The following SUCLG2 variants were observed in gnomAD, a reference collection of about 807,000 sequenced individuals.
SUCLG2 encodes succinate-CoA ligase GDP-forming subunit beta.
SUCLG2 carries 42 observed loss-of-function variants against 47.9 expected under a neutral mutation model. The ratio of observed to expected loss-of-function variants is 0.88; its 90% confidence interval spans 0.69 to 1.14. SUCLG2 has a LOEUF of 1.14. SUCLG2 is among the 50% of genes most tolerant of loss of function. The pLI, the probability that SUCLG2 is intolerant of heterozygous loss-of-function variation, is 0.00. For missense variants in SUCLG2, 571 were observed against 525.9 expected, an observed-to-expected ratio of 1.09 and a Z score of -0.84; for synonymous variants, 195 against 197.3, an observed-to-expected ratio of 0.99 and a Z score of 0.10.
intron 9 of SUCLG2, among the ~76,000 whole-genome samples, chr3:67,414,347 C>T (rs1163345566): frequency 2.0e-5 from 3 of 152,200 alleles, no homozygotes; most frequent in Admixed American, 6.5e-5. Flanking sequence ...TTCCAAATGA[C>T]TGTTTTTATA....
chr3:67,556,147 G>A (rs1392158584), intron 2 of SUCLG2, among the ~76,000 whole-genome samples: 1 of 152,188 alleles, frequency 6.6e-6, no homozygotes, highest in Non-Finnish European at 1.5e-5. Context: ...ATGTTCCAGA[G>A]TAGAAGAGAT....
At chr3:67,540,572 A>G (rs745835598) in intron 2 of SUCLG2, among the ~76,000 whole-genome samples, 1 of 152,166 alleles carries the variant, frequency 6.6e-6, no homozygotes, top group Non-Finnish European at 1.5e-5. Context: ...TCAAACTCCC[A>G]TCTCCCTGGG....
chr3:67,640,505 G>C (rs758289516), intron 1 of SUCLG2, among the ~76,000 whole-genome samples: 2 of 152,046 alleles, frequency 1.3e-5, no homozygotes, highest in Non-Finnish European at 2.9e-5. Context: ...AATCCACTAC[G>C]ATTCTTCCTA....
chr3:67,590,321 C>T (rs1174228325), intron 2 of SUCLG2, among the ~76,000 whole-genome samples: 2 of 152,194 alleles, frequency 1.3e-5, no homozygotes, highest in African/African-American at 4.8e-5. Flanking sequence ...TCCAAGGCAA[C>T]TGTGGCTTTT....
At chr3:67,602,485 G>C (rs2107299899) in intron 2 of SUCLG2, among the ~76,000 whole-genome samples, 1 of 152,146 alleles carries the variant, frequency 6.6e-6, no homozygotes, top group East Asian at 1.9e-4. Context: ...AAGACACTTA[G>C]GGAAAAGATA....
intron 10 of SUCLG2, among the ~76,000 whole-genome samples, chr3:67,380,491 G>A (rs1327889403): frequency 6.6e-6 from 1 of 152,124 alleles, no homozygotes; most frequent in Non-Finnish European, 1.5e-5. Context: ...ATCCACAAAA[G>A]TGAATTTTAA....
At chr3:67,393,854 C>A (rs905080391) in intron 10 of SUCLG2, among the ~76,000 whole-genome samples, 1 of 152,082 alleles carries the variant, frequency 6.6e-6, no homozygotes, top group Non-Finnish European at 1.5e-5. Context: ...CAGCAGCATT[C>A]GCGGTTCATG....
At chr3:67,638,754 A>C (rs1461379992) in intron 1 of SUCLG2, among the ~76,000 whole-genome samples, 1 of 152,224 alleles carries the variant, frequency 6.6e-6, no homozygotes, top group Admixed American at 6.5e-5. Flanking sequence ...TATCTTGGTC[A>C]CTAAGCAGTA....
chr3:67,537,437 T>C (rs1186937275), intron 2 of SUCLG2, among the ~76,000 whole-genome samples: 1 of 152,256 alleles, frequency 6.6e-6, no homozygotes, highest in Admixed American at 6.5e-5. Context: ...CCATAATTTA[T>C]ATGTGCCACA....
At chr3:67,568,903 A>G (rs1471278056) in intron 2 of SUCLG2, among the ~76,000 whole-genome samples, 1 of 152,182 alleles carries the variant, frequency 6.6e-6, no homozygotes, top group African/African-American at 2.4e-5. Flanking sequence ...AATAAAATAA[A>G]ATAAAATAAA....
chr3:67,625,504 T>C (rs1700810739), intron 1 of SUCLG2, among the ~76,000 whole-genome samples: 2 of 152,160 alleles, frequency 1.3e-5, no homozygotes, highest in African/African-American at 4.8e-5. Context: ...AGCTACCCAA[T>C]GCAGGAGAAA....
chr3:67,523,398 A>G (rs922278196), intron 4 of SUCLG2, among the ~76,000 whole-genome samples: 2 of 152,208 alleles, frequency 1.3e-5, no homozygotes, highest in Non-Finnish European at 1.5e-5. Context: ...ATTAGCACAG[A>G]ACCATTCTGA....
intron 9 of SUCLG2, among the ~76,000 whole-genome samples, chr3:67,450,622 A>T (rs918527246): frequency 3.9e-5 from 6 of 152,228 alleles, no homozygotes; most frequent in Non-Finnish European, 8.8e-5. Flanking sequence ...CCTTTTTCAG[A>T]CATCATCTTT....
At chr3:67,611,970 C>T (rs1700535119) in intron 1 of SUCLG2, among the ~76,000 whole-genome samples, 1 of 152,204 alleles carries the variant, frequency 6.6e-6, no homozygotes, top group Admixed American at 6.5e-5. Flanking sequence ...AATTCTTTTA[C>T]AGAATAATCA....
chr3:67,488,677 G>C (rs545765623), intron 9 of SUCLG2, among the ~76,000 whole-genome samples: 3 of 152,268 alleles, frequency 2.0e-5, no homozygotes, highest in African/African-American at 7.2e-5. Context: ...ATTATTGATT[G>C]TCTTGCTGAG....
rs146284476 is a variant in SUCLG2 at position 67,369,699 on chromosome 3, G to A, written c.1184-8931C>T. The stretch of plus-strand genomic sequence containing the variant: ...TACCTAGTTGGAGGCGTATGCCGTT[G>A]CCATTTATTAGCTCTGGATGGTGAG... On this transcript the variant is annotated intron_variant, in intron 10 of 10. Coordinates refer to the SUCLG2 transcript ENST00000493112. Among the ~76,000 whole-genome samples, 66 of 152,306 alleles carry A rather than the reference G, an allele frequency of 4.3e-4. 1 individual carries two copies. In the Middle Eastern group the frequency reaches 0.034, roughly 78 times the overall value.
chr3:67,446,996 A>G (rs1470002533), intron 9 of SUCLG2, among the ~76,000 whole-genome samples: 1 of 152,180 alleles, frequency 6.6e-6, no homozygotes, highest in African/African-American at 2.4e-5. Context: ...AAAGGTTAAC[A>G]TTAGTTTTTT....
chr3:67,571,468 C>A (rs1425229220), intron 2 of SUCLG2, among the ~76,000 whole-genome samples: 3 of 152,190 alleles, frequency 2.0e-5, no homozygotes, highest in Non-Finnish European at 2.9e-5. Context: ...ATTCTAAGGG[C>A]CAGTGTCCAA....
At chr3:67,611,910 G>A (rs976681058) in intron 1 of SUCLG2, among the ~76,000 whole-genome samples, 3 of 152,124 alleles carry the variant, frequency 2.0e-5, no homozygotes, top group African/African-American at 7.2e-5. Context: ...CCAGGACAAT[G>A]AGCACAGTTC....
Sources: allele counts gnomAD v4.1 joint callset (sites outside exome capture counted in the v4.1 genomes callset), GRCh38; gene constraint gnomAD v4.1.1; transcripts MANE v1.5; gene names NCBI Gene and HGNC (gene_info 2026-07-23, HGNC 2026-07-21).